Variants in JAM3 observed in about 807,000 individuals in gnomAD.
The protein encoded by JAM3 is junctional adhesion molecule C.
In JAM3, 31 loss-of-function variants were observed where a neutral mutation model predicts 39.4. The observed-to-expected ratio is 0.79, with a 90% CI of 0.59 to 1.06. JAM3 has a LOEUF of 1.06. Ranked by LOEUF, JAM3 falls within the 50% of genes least tolerant of loss-of-function variation. The pLI is 0.00. For missense variants in JAM3, 455 were observed against 391.4 expected (o/e 1.16, Z -1.37); for synonymous variants, 182 against 148.7 (o/e 1.22, Z -1.63).
chr11:134,078,108 A>C (rs960453362), intron 1 of JAM3, among the ~76,000 whole-genome samples: 5 of 151,736 alleles, frequency 3.3e-5, no homozygotes, highest in African/African-American at 1.2e-4. Context: ...CAGTGTCCCC[A>C]CTGGAGTGTT....
intron 1 of JAM3, among the ~76,000 whole-genome samples, chr11:134,106,272 G>T (rs1321795179): frequency 6.6e-6 from 1 of 152,030 alleles, no homozygotes; most frequent in African/African-American, 2.4e-5. Context: ...AATAAATGGT[G>T]CTGGGAAAAC....
intron 1 of JAM3, among the ~76,000 whole-genome samples, chr11:134,074,244 T>G (rs1387350094): frequency 6.6e-6 from 1 of 152,212 alleles, no homozygotes; most frequent in Non-Finnish European, 1.5e-5. Flanking sequence ...TGCTTTTCTT[T>G]GTTTTTGTTT....
chr11:134,133,188 G>A (rs759488195), intron 1 of JAM3, among the ~76,000 whole-genome samples: 15 of 151,270 alleles, frequency 9.9e-5, no homozygotes, highest in Admixed American at 2.6e-4. Flanking sequence ...AATATTTTTG[G>A]TGTGTGGAAT....
chr11:134,140,514 C>A (rs1942955067), intron 2 of JAM3, 143 bp from the exon 3 acceptor site: 1 of 700,950 alleles, frequency 1.4e-6, no homozygotes, highest in Non-Finnish European at 2.6e-6. Context: ...AATCCTTTCT[C>A]AAAGTCTCTT....
intron 1 of JAM3, among the ~76,000 whole-genome samples, chr11:134,072,640 G>T (rs946178466): frequency 2.0e-5 from 3 of 152,204 alleles, no homozygotes. Context: ...TTTATAGTTG[G>T]CCGGGTACAG....
chr11:134,142,602 T>C (rs906870931), intron 3 of JAM3, among the ~76,000 whole-genome samples: 2 of 152,236 alleles, frequency 1.3e-5, no homozygotes, highest in Admixed American at 6.5e-5. Flanking sequence ...AGTGTTATTA[T>C]GTCTTATGTT....
intron 1 of JAM3, among the ~76,000 whole-genome samples, chr11:134,121,919 C>G (rs1942541250): frequency 6.6e-6 from 1 of 152,078 alleles, no homozygotes; most frequent in African/African-American, 2.4e-5. Flanking sequence ...GATCAAAACA[C>G]TTGGAGTCAA....
chr11:134,123,846 T>C (rs1024727835), intron 1 of JAM3: 17 of 799,042 alleles, frequency 2.1e-5, no homozygotes, highest in Non-Finnish European at 3.6e-5. Flanking sequence ...GCAGTGCCCG[T>C]TGGTATCTCT....
At chr11:134,106,347 C>G (rs543464299) in intron 1 of JAM3, among the ~76,000 whole-genome samples, 1 of 152,056 alleles carries the variant, frequency 6.6e-6, no homozygotes, top group Admixed American at 6.5e-5. Context: ...AAAATTAATT[C>G]AAGATGGATT....
chr11:134,087,167 T>G (rs1304688177), intron 1 of JAM3, among the ~76,000 whole-genome samples: 2 of 152,046 alleles, frequency 1.3e-5, no homozygotes, highest in Non-Finnish European at 2.9e-5. Flanking sequence ...AAATGTAATG[T>G]CCTGAGATTA....
chr11:134,125,838 C>T (rs1336561230), intron 1 of JAM3, among the ~76,000 whole-genome samples: 1 of 152,180 alleles, frequency 6.6e-6, no homozygotes, highest in Non-Finnish European at 1.5e-5. Context: ...TTTTTCTCTA[C>T]ATTAGACATC....
intron 6 of JAM3, among the ~76,000 whole-genome samples, chr11:134,147,550 A>C (rs1196482692): frequency 6.7e-6 from 1 of 148,408 alleles, no homozygotes; most frequent in East Asian, 2.1e-4. Context: ...GCAGTGGCAC[A>C]ATCTCGGCTC....
rs145515548 is a variant in JAM3, at chr11:134,144,087, CAA to C, written c.257-153_257-152del. ...AGGAATAGGTCATGGTTCCTGTCCT[CAA>C]GAGAGTTCACTTCTGTACTCGGGAA... is the stretch of plus-strand genomic sequence containing the variant. On this transcript the variant is annotated intron_variant, in intron 3 of 8. Transcript: ENST00000299106. 0.077 allele frequency among the ~76,000 whole-genome samples: 11,780 copies of C among 152,190 alleles called. 585 individuals are homozygous for C. Among genetic ancestry groups the C allele is most frequent in the Admixed American group, 0.11 (1,658 of 15,288 alleles).
intron 1 of JAM3, among the ~76,000 whole-genome samples, chr11:134,089,370 T>A (rs1355483890): frequency 9.2e-5 from 14 of 152,126 alleles, no homozygotes; most frequent in Admixed American, 3.3e-4. Flanking sequence ...TGCAGGTTAG[T>A]TACATATGTA....
chr11:134,118,157 C>T (rs571816381), intron 1 of JAM3, among the ~76,000 whole-genome samples: 3 of 152,218 alleles, frequency 2.0e-5, no homozygotes, highest in Non-Finnish European at 2.9e-5. Flanking sequence ...CAAGAATATG[C>T]CTTGACACAT....
intron 3 of JAM3, among the ~76,000 whole-genome samples, chr11:134,142,927 G>A (rs1278496459): frequency 1.3e-5 from 2 of 152,090 alleles, no homozygotes; most frequent in Admixed American, 1.3e-4. Context: ...GCCTGTGTCC[G>A]TACTTCATTT....
intron 1 of JAM3, among the ~76,000 whole-genome samples, chr11:134,084,364 G>A (rs1193507486): frequency 6.6e-6 from 1 of 152,204 alleles, no homozygotes; most frequent in East Asian, 1.9e-4. Flanking sequence ...CTATGTGATT[G>A]TTGAAGTCAA....
At chr11:134,124,599 AT>A (rs1228892274) in intron 1 of JAM3, among the ~76,000 whole-genome samples, 1 of 152,230 alleles carries the variant, frequency 6.6e-6, no homozygotes, top group Non-Finnish European at 1.5e-5. Flanking sequence ...ATCCAACTAC[AT>A]AAGCAGCCTT....
At chr11:134,134,638 G>C (rs188669172) in intron 1 of JAM3, among the ~76,000 whole-genome samples, 261 of 152,128 alleles carry the variant, frequency 1.7e-3, no homozygotes, top group African/African-American at 6.1e-3. Context: ...CAGTGTACAG[G>C]GTTTGGGATT....
Sources: gnomAD v4.1 joint callset for allele counts (sites outside exome capture counted in the v4.1 genomes callset) on GRCh38, gnomAD v4.1.1 for gene constraint, MANE v1.5 for transcripts, NCBI Gene and HGNC (gene_info 2026-07-23, HGNC 2026-07-21) for gene names.